PKNOX2: variants seen among roughly 807,000 people sequenced by gnomAD.
PKNOX2 encodes the protein homeobox protein PKNOX2.
In PKNOX2, 14 loss-of-function variants were observed where a neutral mutation model predicts 53.1. That is an observed-to-expected ratio of 0.26 (90% confidence interval 0.17 to 0.41). The LOEUF (loss-of-function observed/expected upper bound fraction) is 0.41, where lower values mean the gene tolerates loss of function less well. Among genes scored for constraint, PKNOX2 ranks in the 10% least tolerant of loss-of-function variants. The pLI, the probability that PKNOX2 is intolerant of heterozygous loss-of-function variation, is 1.00. For missense variants in PKNOX2, 496 were observed against 602.8 expected (o/e 0.82, Z 1.85); for synonymous variants, 257 against 242.8 (o/e 1.06, Z -0.54).
chr11:125,408,272 A>G (rs147497393), intron 7 of PKNOX2, among the ~76,000 whole-genome samples: 163 of 152,324 alleles, frequency 1.1e-3, no homozygotes, highest in African/African-American at 3.8e-3. Flanking sequence ...TCTGCATGGC[A>G]GACTCCATTT....
chr11:125,372,080 G>T (rs1003745238), intron 5 of PKNOX2, among the ~76,000 whole-genome samples: 2 of 152,184 alleles, frequency 1.3e-5, no homozygotes, highest in African/African-American at 4.8e-5. Flanking sequence ...CAGCTTAGAC[G>T]AAGTAGCTAC....
chr11:125,408,266 C>T (rs1219960892), intron 7 of PKNOX2, among the ~76,000 whole-genome samples: 1 of 152,250 alleles, frequency 6.6e-6, no homozygotes, highest in Non-Finnish European at 1.5e-5. Context: ...TAGGCTTCTG[C>T]ATGGCAGACT....
intron 1 of PKNOX2, among the ~76,000 whole-genome samples, chr11:125,196,458 C>T (rs975373154): frequency 6.6e-6 from 1 of 152,188 alleles, no homozygotes; most frequent in Admixed American, 6.5e-5. Context: ...TGGTTGGAAG[C>T]CTTTCCATCA....
chr11:125,351,035 C>T (rs1565503590), intron 3 of PKNOX2, among the ~76,000 whole-genome samples: 1 of 152,090 alleles, frequency 6.6e-6, no homozygotes, highest in East Asian at 1.9e-4. Context: ...GAACAAAGCG[C>T]CGCTGCAGGG....
At chr11:125,238,224 G>A (rs934291091) in intron 2 of PKNOX2, among the ~76,000 whole-genome samples, 3 of 152,226 alleles carry the variant, frequency 2.0e-5, no homozygotes, top group Non-Finnish European at 4.4e-5. Context: ...TCCCCAAAGG[G>A]CTGAGAGCTG....
intron 4 of PKNOX2, among the ~76,000 whole-genome samples, chr11:125,359,100 C>T (rs114775122): frequency 8.6e-4 from 124 of 144,630 alleles, no homozygotes; most frequent in African/African-American, 3.3e-3. Flanking sequence ...AAGGTAGACA[C>T]CATCGGAAAG....
chr11:125,330,090 G>A (rs532995435), intron 2 of PKNOX2, among the ~76,000 whole-genome samples: 1 of 151,748 alleles, frequency 6.6e-6, no homozygotes, highest in Admixed American at 6.6e-5. Flanking sequence ...CTGTGGGGCC[G>A]ATGGTGGGAA....
At chr11:125,410,099 G>A (rs1184935802) in intron 7 of PKNOX2, 97 bp from the exon 8 acceptor site, 2 of 1,478,552 alleles carry the variant, frequency 1.4e-6, no homozygotes, top group East Asian at 4.7e-5. Flanking sequence ...GAGGGAGGGG[G>A]GCAGGCAGGA....
At chr11:125,238,342 T>C (rs774351251) in intron 2 of PKNOX2, among the ~76,000 whole-genome samples, 4 of 152,182 alleles carry the variant, frequency 2.6e-5, no homozygotes, top group Non-Finnish European at 5.9e-5. Context: ...TTCTTCCACT[T>C]ATTGGGCACT....
intron 2 of PKNOX2, among the ~76,000 whole-genome samples, chr11:125,263,635 G>A (rs1945065651): frequency 6.6e-6 from 1 of 152,248 alleles, no homozygotes; most frequent in Admixed American, 6.5e-5. Flanking sequence ...CGCGGGAGGG[G>A]GAGAGCTGCC....
chr11:125,315,321 A>AC (rs1480905569), intron 2 of PKNOX2, among the ~76,000 whole-genome samples: 2 of 150,840 alleles, frequency 1.3e-5, no homozygotes, highest in Admixed American at 6.6e-5. Context: ...AAAAAAAAAA[A>AC]AAAAAAACAC....
intron 1 of PKNOX2, among the ~76,000 whole-genome samples, chr11:125,189,121 C>T (rs1187788263): frequency 6.6e-6 from 1 of 151,768 alleles, no homozygotes; most frequent in Non-Finnish European, 1.5e-5. Flanking sequence ...CTTTTGTTCT[C>T]ATCTGCTGCG....
chr11:125,325,828 G>A (rs1949790397), intron 2 of PKNOX2, among the ~76,000 whole-genome samples: 2 of 152,264 alleles, frequency 1.3e-5, no homozygotes, highest in Middle Eastern at 3.4e-3. Flanking sequence ...TCCACCCATC[G>A]TATTCTCTCT....
intron 11 of PKNOX2, among the ~76,000 whole-genome samples, chr11:125,429,496 GGA>G (rs1260994949): frequency 6.6e-6 from 1 of 152,166 alleles, no homozygotes; most frequent in African/African-American, 2.4e-5. Context: ...CTGGGAGTGG[GGA>G]GAGGGAGGAG....
chr11:125,312,326 G>A (rs1323516164), intron 2 of PKNOX2, among the ~76,000 whole-genome samples: 1 of 152,202 alleles, frequency 6.6e-6, no homozygotes, highest in South Asian at 2.1e-4. Flanking sequence ...GCCTGGTGGA[G>A]GGGAGGACCA....
chr11:125,282,075 C>G (rs556131999), intron 2 of PKNOX2, among the ~76,000 whole-genome samples: 1 of 152,184 alleles, frequency 6.6e-6, no homozygotes, highest in Non-Finnish European at 1.5e-5. Flanking sequence ...TTAGCCATGC[C>G]GCTTTTCTTC....
chr11:125,359,207 G>C (rs1565505843), intron 4 of PKNOX2, among the ~76,000 whole-genome samples: 1 of 148,688 alleles, frequency 6.7e-6, no homozygotes, highest in South Asian at 2.1e-4. Flanking sequence ...GGTAAGGGGA[G>C]GAGGGCTGTG....
At chr11:125,394,959 C>CGT (rs112812944) in intron 6 of PKNOX2, among the ~76,000 whole-genome samples, 44,459 of 149,474 alleles carry the variant, frequency 0.3, 6,808 homozygotes, top group African/African-American at 0.41. Context: ...TACGTGCCCT[C>CGT]GTGTGTGTGT....
At chr11:125,348,300 C>G (rs1480776244) in intron 3 of PKNOX2, among the ~76,000 whole-genome samples, 1 of 152,182 alleles carries the variant, frequency 6.6e-6, no homozygotes, top group African/African-American at 2.4e-5. Flanking sequence ...GGTGCAGGGT[C>G]TCCAGCAGCT....
Sources: gnomAD v4.1 joint callset for allele counts (sites outside exome capture counted in the v4.1 genomes callset) on GRCh38, gnomAD v4.1.1 for gene constraint, MANE v1.5 for transcripts, NCBI Gene and HGNC (gene_info 2026-07-23, HGNC 2026-07-21) for gene names.